The following BAZ1A variants were observed in gnomAD, a reference collection of about 807,000 sequenced individuals.
The protein encoded by BAZ1A is bromodomain adjacent to zinc finger domain protein 1A.
In BAZ1A, 50 loss-of-function variants were observed where a neutral mutation model predicts 185.2. That is an observed-to-expected ratio of 0.27 (90% CI 0.22 to 0.34). BAZ1A has a LOEUF of 0.34. Among genes scored for constraint, BAZ1A ranks in the 10% least tolerant of loss-of-function variants. The pLI, the probability that BAZ1A is intolerant of heterozygous loss-of-function variation, is 1.00. For missense variants in BAZ1A, 1,356 were observed against 1,839.9 expected, an observed-to-expected ratio of 0.74 and a Z score of 4.81; for synonymous variants, 571 against 615.6, an observed-to-expected ratio of 0.93 and a Z score of 1.07.
Position 34,764,858 on chromosome 14 carries a change from T to C in BAZ1A, c.3625A>G (p.Arg1209Gly). 6.2e-7 allele frequency: 1 copy of C among 1,614,200 alleles called. No homozygotes were observed. The highest frequency in any genetic ancestry group is 2.2e-5 in the East Asian group (1 of 44,880). ...TCTTCATCACTTTCCAAGGATGGTC[T>C]CTGTCTAGAGGAGAGTCTTCTAGAA... is the stretch of plus-strand genomic sequence containing the variant. ...QRSRRLSSRQ[R>G]PSLESDEDVE... The change falls in exon 23 of 27, where the codon AGA becomes GGA. Residue 1209 changes from arginine to glycine, a missense_variant. Physicochemically the swap from Arg to Gly is moderately radical, Grantham distance 125 (BLOSUM62 -2). This residue lies in a region of BAZ1A where 309 missense variants were observed against 355.3 expected (regional missense o/e 0.87). Coordinates refer to ENST00000360310, the MANE Select transcript of BAZ1A (RefSeq NM_013448.3).
rs1305873453 is a variant in BAZ1A at position 34,811,010 on chromosome 14, A to G, written c.563T>C (p.Leu188Ser). ...GGGTTGCACTTTATACTTGAATAGT[A>G]AGGGATCAATTGCATCTTTTTTCTT... ...NGKKKDAIDP[L>S]LFKYKVQPTK... The change falls in exon 5 of 27, where the codon TTA (leucine) becomes TCA (serine). Residue 188 changes from leucine to serine, a missense_variant. Physicochemically the swap from Leu to Ser is moderately radical, Grantham distance 145. Around this residue, in one of 7 missense-constraint regions of BAZ1A, gnomAD observed 332 missense variants for 395.3 expected, o/e 0.84. Coordinates refer to ENST00000360310, the MANE Select transcript of BAZ1A (RefSeq NM_013448.3). 6.2e-7 allele frequency: 1 copy of G among 1,605,340 alleles called. No individual in the cohort carries two copies. The highest frequency in any genetic ancestry group is 8.5e-7 in the Non-Finnish European group (1 of 1,173,962).
chr14:34,870,647 C>T (rs971416544), intron 2 of BAZ1A, among the ~76,000 whole-genome samples: 2 of 152,156 alleles, frequency 1.3e-5, no homozygotes, highest in Admixed American at 1.3e-4. Flanking sequence ...GGCAATGCCC[C>T]TATTTTCTTA....
chr14:34,782,933 G>A (rs972317937), intron 16 of BAZ1A, among the ~76,000 whole-genome samples, 186 bp downstream of exon 16: 2 of 152,204 alleles, frequency 1.3e-5, no homozygotes, highest in South Asian at 4.1e-4. Flanking sequence ...TGTGATATTG[G>A]TGGAGGGGAC....
Position 34,783,173 on chromosome 14 carries a change from T to A in BAZ1A, c.2057A>T (p.Gln686Leu). ...TTGCTCATCTTCTTTCAGTTTTTCT[T>A]GTTTCTCTTTCATTTTTTGTTCTTG... ...KEQEQKMKEK[Q>L]EKLKEDEQRN... The change falls in exon 16 of 27, where the codon CAA becomes CTA. Residue 686 changes from glutamine (Q) to leucine (L), a missense_variant. By Grantham distance (113) the Gln-to-Leu change is moderately radical. Transcript: ENST00000360310. 6.2e-7 allele frequency: 1 copy of A among 1,604,236 alleles called. No individual in the cohort carries two copies. The highest frequency in any genetic ancestry group is 8.5e-7 in the Non-Finnish European group (1 of 1,174,132).
Position 34,759,184 on chromosome 14 carries a change from T to TTTTTTTTTTTTTTTG in BAZ1A, c.4244-353_4244-339dup, listed in dbSNP as rs869141581. Among the ~76,000 whole-genome samples, 704 of 108,036 alleles carry TTTTTTTTTTTTTTTG rather than the reference T, an allele frequency of 6.5e-3. 100 individuals are homozygous for TTTTTTTTTTTTTTTG. The highest frequency in any genetic ancestry group is 0.024 in the African/African-American group (610 of 25,788). 70.9% of individuals were successfully genotyped at this position (108,036 alleles called of 152,430 possible). ...TTTACAGCTACAGTTTTTTTTTTTT[T>TTTTTTTTTTTTTTTG]TTTTTTTTTTTTTTGAGATGGAGTC... On this transcript the variant is annotated intron_variant, in intron 24 of 26. Coordinates refer to ENST00000360310, the MANE Select transcript of BAZ1A (RefSeq NM_013448.3).
At chr14:34,773,185 C>T (rs12435859) in intron 20 of BAZ1A, among the ~76,000 whole-genome samples, 35,379 of 152,084 alleles carry the variant, frequency 0.23, 4,459 homozygotes, top group Non-Finnish European at 0.28. Flanking sequence ...GCTGAGACTA[C>T]AGGCCCACGC....
At chr14:34,790,906 T>C (rs2138629737) in intron 12 of BAZ1A, among the ~76,000 whole-genome samples, 1 of 152,156 alleles carries the variant, frequency 6.6e-6, no homozygotes, top group South Asian at 2.1e-4. Context: ...GGGCAGACCC[T>C]GAGGTCGGGA....
At chr14:34,860,918 T>C (rs1473251017) in intron 3 of BAZ1A, among the ~76,000 whole-genome samples, 1 of 152,094 alleles carries the variant, frequency 6.6e-6, no homozygotes, top group Non-Finnish European at 1.5e-5. Flanking sequence ...AGAACTTAAT[T>C]ACTTGCCAAA....
At chr14:34,819,306 G>A (rs945434359) in intron 4 of BAZ1A, among the ~76,000 whole-genome samples, 5 of 152,208 alleles carry the variant, frequency 3.3e-5, no homozygotes, top group African/African-American at 9.6e-5. Flanking sequence ...GAGCACTACT[G>A]TATTGTACAC....
rs1250155116 is a variant in BAZ1A, at chr14:34,754,948, GA to G, written c.4387-35del. Reference sequence around the variant, plus strand: ...TAATTCAAATATCTCTGTCCACACAGAAAACTTAACTGGAAAGAAGTGTTCA... The same window carrying G: ...TAATTCAAATATCTCTGTCCACACAGAAACTTAACTGGAAAGAAGTGTTCA... On this transcript the variant is annotated intron_variant, in intron 25 of 26. Transcript: ENST00000360310. 23 of 1,500,030 alleles carry G rather than the reference GA, an allele frequency of 1.5e-5. No individual in the cohort carries two copies. In the Admixed American group the frequency reaches 5.0e-4, roughly 33 times the overall value. 92.9% of individuals were successfully genotyped at this position (1,500,030 alleles called of 1,614,324 possible).
intron 2 of BAZ1A, among the ~76,000 whole-genome samples, chr14:34,864,475 A>G (rs1238693476): frequency 6.6e-6 from 1 of 150,498 alleles, no homozygotes; most frequent in Non-Finnish European, 1.5e-5. Flanking sequence ...CATTACTCAT[A>G]TATCATTTTG....
rs971599305 is a variant in BAZ1A, at chr14:34,834,396, A to T, written c.393-8240T>A. Among the ~76,000 whole-genome samples, 5 of 152,214 alleles carry T rather than the reference A, an allele frequency of 3.3e-5. 1 individual carries two copies. In the South Asian group the frequency reaches 1.0e-3, roughly 32 times the overall value. ...CCCAATTACAGTTGATGTGAGGCCTAAAGTGGTCTGACAGTCATCAGTGGG... is the reference window on the plus strand; with the variant it reads ...CCCAATTACAGTTGATGTGAGGCCTTAAGTGGTCTGACAGTCATCAGTGGG... On this transcript the variant is annotated intron_variant, in intron 3 of 26. Transcript: ENST00000360310.
Position 34,817,230 on chromosome 14 carries a change from AC to A in BAZ1A, c.537-6195del, listed in dbSNP as rs775899899. ...TTTACTTATAAATATAAATCAATAC[AC>A]CCCCCCCCAAATATATCAAGATATT... is the stretch of plus-strand genomic sequence containing the variant. On this transcript the variant is annotated intron_variant, in intron 4 of 26. Transcript: ENST00000360310. 7.2e-3 allele frequency among the ~76,000 whole-genome samples: 1,067 copies of A among 147,686 alleles called. 14 individuals are homozygous for A. Among genetic ancestry groups the A allele is most frequent in the African/African-American group, 0.024 (945 of 40,070 alleles).
intron 25 of BAZ1A, among the ~76,000 whole-genome samples, chr14:34,756,466 ATTTTTTTTTT>A (rs1158606061): frequency 2.0e-4 from 16 of 79,016 alleles, no homozygotes; most frequent in African/African-American, 3.9e-4. Context: ...CAGAATACCT[ATTTTTTTTTT>A]TTTTTTTTTT....
chr14:34,763,850 C>A (rs866208867), intron 23 of BAZ1A, among the ~76,000 whole-genome samples: 1 of 152,028 alleles, frequency 6.6e-6, no homozygotes, highest in Non-Finnish European at 1.5e-5. Context: ...TTTTTATATG[C>A]CCTGGGAAAC....
chr14:34,843,551 C>T (rs1735144682), intron 3 of BAZ1A, among the ~76,000 whole-genome samples: 1 of 152,010 alleles, frequency 6.6e-6, no homozygotes, highest in Admixed American at 6.6e-5. Flanking sequence ...CCAGGTCAGC[C>T]CAGACTCTAA....
intron 14 of BAZ1A, among the ~76,000 whole-genome samples, chr14:34,785,076 G>C (rs554748910): frequency 6.6e-6 from 1 of 152,106 alleles, no homozygotes; most frequent in South Asian, 2.1e-4. Flanking sequence ...GGCTGGTCTC[G>C]AACTCCTGAC....
intron 2 of BAZ1A, among the ~76,000 whole-genome samples, chr14:34,867,417 G>A (rs1242446271): frequency 6.6e-6 from 1 of 152,136 alleles, no homozygotes; most frequent in Non-Finnish European, 1.5e-5. Flanking sequence ...AGTGCCTGAG[G>A]TATTGAGTAG....
intron 3 of BAZ1A, among the ~76,000 whole-genome samples, chr14:34,847,113 C>T (rs146562592): frequency 1.6e-3 from 246 of 151,718 alleles, no homozygotes; most frequent in Admixed American, 4.1e-3. Context: ...TGGCTGGACA[C>T]GGTGGCGCAT....
Sources: allele counts gnomAD v4.1 joint callset (sites outside exome capture counted in the v4.1 genomes callset), GRCh38; gene constraint gnomAD v4.1.1; regional missense constraint gnomAD v4.1.1; transcripts MANE v1.5; gene names NCBI Gene and HGNC (gene_info 2026-07-23, HGNC 2026-07-21).